SATB2: variants seen among roughly 807,000 people sequenced by gnomAD.
The protein encoded by SATB2 is DNA-binding protein SATB2.
Under a neutral mutation model 73.4 loss-of-function variants are expected in SATB2, and 1 was observed. That is an observed-to-expected ratio of 0.01 (90% CI 0.00 to 0.06). The LOEUF is 0.06. Ranked by LOEUF, SATB2 falls within the 10% of genes least tolerant of loss-of-function variation. SATB2 has a pLI of 1.00. For missense variants in SATB2, 459 were observed against 945.8 expected, an observed-to-expected ratio of 0.49 and a Z score of 6.75; for synonymous variants, 397 against 367.0, an observed-to-expected ratio of 1.08 and a Z score of -0.93.
intron 9 of SATB2, among the ~76,000 whole-genome samples, chr2:199,311,505 G>A (rs1372334468): frequency 6.6e-6 from 1 of 152,108 alleles, no homozygotes; most frequent in Non-Finnish European, 1.5e-5. Context: ...ATAACCTACA[G>A]AGCAGAAAGA....
intron 6 of SATB2, among the ~76,000 whole-genome samples, chr2:199,363,436 T>TA (rs985164933): frequency 6.6e-6 from 1 of 152,190 alleles, no homozygotes; most frequent in African/African-American, 2.4e-5. Context: ...ATGTGGAATT[T>TA]AAAACAATTG....
chr2:199,399,607 A>G (rs1690409919), intron 3 of SATB2, among the ~76,000 whole-genome samples: 1 of 152,232 alleles, frequency 6.6e-6, no homozygotes, highest in Admixed American at 6.5e-5. Flanking sequence ...CAGACTGTAC[A>G]GGAAGAAGCA....
chr2:199,321,206 T>C (rs745529323), intron 9 of SATB2, among the ~76,000 whole-genome samples: 3 of 152,000 alleles, frequency 2.0e-5, no homozygotes, highest in Non-Finnish European at 2.9e-5. Flanking sequence ...TGATTAGTCA[T>C]GACTAAGAGA....
At chr2:199,300,526 T>A (rs1332520632) in intron 10 of SATB2, among the ~76,000 whole-genome samples, 4 of 152,112 alleles carry the variant, frequency 2.6e-5, no homozygotes, top group Middle Eastern at 3.2e-3. Flanking sequence ...CAATATTCTA[T>A]TAAAATAGAA....
intron 7 of SATB2, among the ~76,000 whole-genome samples, chr2:199,332,001 G>A (rs1285978882): frequency 6.6e-6 from 1 of 152,018 alleles, no homozygotes; most frequent in Non-Finnish European, 1.5e-5. Flanking sequence ...TGCAGCCTGG[G>A]ATACAGAAAA....
intron 3 of SATB2, among the ~76,000 whole-genome samples, chr2:199,388,476 T>C (rs1032132299): frequency 2.0e-5 from 3 of 152,268 alleles, no homozygotes; most frequent in South Asian, 4.1e-4. Context: ...TGCAGTGGCA[T>C]GTAGATAGAT....
intron 10 of SATB2, among the ~76,000 whole-genome samples, chr2:199,284,965 T>TAC (rs1692642235): frequency 1.3e-5 from 2 of 152,134 alleles, no homozygotes; most frequent in Admixed American, 1.3e-4. Context: ...ATGCAAATAC[T>TAC]ACACCATTTT....
At chr2:199,459,403 C>T (rs919118127), upstream of SATB2, among the ~76,000 whole-genome samples, 1 of 152,178 alleles carries the variant, frequency 6.6e-6, no homozygotes, top group African/African-American at 2.4e-5. The surrounding 1 kb of genome is among the most constrained non-coding windows in gnomAD (Gnocchi z 4.2). Context: ...AGGCTGGCCT[C>T]TGGCCGCGCT....
Position 199,455,393 on chromosome 2 carries a change from C to A in SATB2, c.169+476G>T, listed in dbSNP as rs974114075. Among the ~76,000 whole-genome samples, 2 of 152,166 alleles carry A rather than the reference C, an allele frequency of 1.3e-5. No individual in the cohort carries two copies. Among genetic ancestry groups the A allele is most frequent in the African/African-American group, 4.8e-5 (2 of 41,432 alleles). On this transcript the variant is annotated intron_variant, in intron 2 of 10. Transcript: ENST00000417098. This position sits in a 1 kb window ranked among gnomAD's most constrained non-coding sequence, Gnocchi z 4.1. The stretch of plus-strand genomic sequence containing the variant: ...CACATTTCACGTGGCAGGAAATATT[C>A]CCAGTTGTCATTCATCTGTCTTGAA...
rs769807233 is a variant in SATB2, at chr2:199,272,601, A to T, written c.1812T>A (p.Pro604=). ...TGGCACAACTGTCTTCAGTCGGAGG[A>T]GGTGGGGGAGGCGCTTCTTCTCTGG... ...SPPREEAPPP[P]PPTEDSCAKK... Residue 604 remains proline, a synonymous_variant, in exon 11 of 11, where the codon CCT becomes CCA. Coordinates refer to ENST00000417098, the MANE Select transcript of SATB2 (RefSeq NM_001172509.2). This position sits in a 1 kb window ranked among gnomAD's most constrained non-coding sequence, Gnocchi z 6.7. 1 of 1,613,854 alleles carries T rather than the reference A, an allele frequency of 6.2e-7. No homozygotes were observed. The highest frequency in any genetic ancestry group is 2.2e-5 in the East Asian group (1 of 44,860).
chr2:199,461,645 T>C (rs1264964313), upstream of SATB2, among the ~76,000 whole-genome samples: 3 of 152,348 alleles, frequency 2.0e-5, no homozygotes, highest in African/African-American at 7.2e-5. Flanking sequence ...CTGACGTTTT[T>C]GTCGGGAATC....
intron 10 of SATB2, among the ~76,000 whole-genome samples, chr2:199,302,687 G>C (rs144282432): frequency 6.6e-6 from 1 of 152,110 alleles, no homozygotes; most frequent in Non-Finnish European, 1.5e-5. Flanking sequence ...CTAGTAACCC[G>C]GTAAGAGAAT....
chr2:199,398,300 A>T (rs1690365068), intron 3 of SATB2, among the ~76,000 whole-genome samples: 1 of 152,200 alleles, frequency 6.6e-6, no homozygotes, highest in Admixed American at 6.5e-5. Context: ...AAACAACAGA[A>T]TCTGCAGATG....
At chr2:199,343,446 A>G (rs1407941083) in intron 7 of SATB2, among the ~76,000 whole-genome samples, 1 of 152,232 alleles carries the variant, frequency 6.6e-6, no homozygotes, top group Admixed American at 6.5e-5. Flanking sequence ...CACTCAAAAA[A>G]GTCTAAACGT....
intron 3 of SATB2, among the ~76,000 whole-genome samples, chr2:199,393,605 C>T (rs1690212594): frequency 6.6e-6 from 1 of 151,818 alleles, no homozygotes; most frequent in Non-Finnish European, 1.5e-5. Context: ...AAAATGATGC[C>T]CCAAAACTTT....
At chr2:199,296,352 A>T (rs1021107430) in intron 10 of SATB2, among the ~76,000 whole-genome samples, 2 of 152,208 alleles carry the variant, frequency 1.3e-5, no homozygotes, top group African/African-American at 4.8e-5. Context: ...TTTAGATAAA[A>T]GGGGTCTCTG....
intron 2 of SATB2, among the ~76,000 whole-genome samples, chr2:199,439,331 T>C (rs1010516462): frequency 2.6e-5 from 4 of 152,172 alleles, no homozygotes; most frequent in Non-Finnish European, 5.9e-5. Context: ...CTCCCCTCTT[T>C]CAAAGAGCTC....
intron 10 of SATB2, among the ~76,000 whole-genome samples, chr2:199,296,611 A>C (rs1162629686): frequency 2.0e-5 from 3 of 152,090 alleles, no homozygotes; most frequent in Non-Finnish European, 4.4e-5. Context: ...AGAAGAGAGA[A>C]TCCCCTGAGC....
intron 9 of SATB2, among the ~76,000 whole-genome samples, chr2:199,323,069 A>T (rs1687933306): frequency 6.6e-6 from 1 of 152,124 alleles, no homozygotes; most frequent in African/African-American, 2.4e-5. Context: ...TTTGGGCAGA[A>T]GTTGTCCCTT....
Sources: gnomAD v4.1 joint callset for allele counts (sites outside exome capture counted in the v4.1 genomes callset) on GRCh38, gnomAD v4.1.1 for gene constraint, Gnocchi (gnomAD v3.1) non-coding constraint, MANE v1.5 for transcripts, NCBI Gene and HGNC (gene_info 2026-07-23, HGNC 2026-07-21) for gene names.